Variants in RAF1 observed in about 807,000 individuals in gnomAD.
The protein encoded by RAF1 is RAF proto-oncogene serine/threonine-protein kinase.
In RAF1, 27 loss-of-function variants were observed where a neutral mutation model predicts 81.1. The observed-to-expected ratio is 0.33, with a 90% CI of 0.25 to 0.46. The LOEUF (loss-of-function observed/expected upper bound fraction) is 0.46, where lower values mean the gene tolerates loss of function less well. Ranked by LOEUF, RAF1 falls within the 20% of genes least tolerant of loss-of-function variation. The pLI is 1.00. For missense variants in RAF1, 598 were observed against 826.0 expected (o/e 0.72, Z 3.38); for synonymous variants, 298 against 294.0 (o/e 1.01, Z -0.14).
At position 12,602,035 on chromosome 3, in the gene RAF1, CA is replaced by C. The variant is rs149360172; in HGVS notation, c.894+1442del. Among the ~76,000 whole-genome samples the C allele has an allele frequency of 1.7e-3, 258 of 152,276 alleles. 1 individual carries two copies. Among genetic ancestry groups the C allele is most frequent in the African/African-American group, 6.0e-3 (249 of 41,560 alleles). On this transcript the variant is annotated intron_variant, in intron 8 of 17. Transcript: ENST00000442415. ...TGTTCTTTGTTTTTAAAGCAAAGCA[CA>C]ATTTATTTTTATTAACCACAATTAT...
At position 12,618,557 on chromosome 3, in the gene RAF1, G is replaced by C. The variant is rs897009059; in HGVS notation, c.165C>G (p.Ser55Arg). 1.2e-6 allele frequency: 2 copies of C among 1,614,078 alleles called. No individual in the cohort carries two copies. The highest frequency in any genetic ancestry group is 1.7e-6 in the Non-Finnish European group (2 of 1,180,044). ...TCGGCAAGAAAACACGGATAGTGTT[G>C]CTTGTCTTAGAAGGATCTGTGAGTT... Residue 55 changes from serine to arginine, a missense_variant, in exon 2 of 18, where the codon AGC (serine) becomes AGG (arginine). Transcript: ENST00000442415.
At chr3:12,614,594 G>GT (rs71063842) in intron 2 of RAF1, among the ~76,000 whole-genome samples, 10,047 of 145,520 alleles carry the variant, frequency 0.069, 433 homozygotes, top group Non-Finnish European at 0.098. Flanking sequence ...TCTAGCTAAT[G>GT]TTTTTTTTTT....
intron 1 of RAF1, among the ~76,000 whole-genome samples, chr3:12,640,218 T>C (rs1158968056): frequency 4.6e-5 from 7 of 152,140 alleles, no homozygotes; most frequent in African/African-American, 1.7e-4. Flanking sequence ...AAAATTAATT[T>C]AAGATGGATT....
At chr3:12,585,878 ACGGTAATCTCT>A (rs1425432514) in intron 14 of RAF1, 79 bp from the exon 14 acceptor site, 5 of 982,114 alleles carry the variant, frequency 5.1e-6, no homozygotes, top group Non-Finnish European at 8.1e-6. Context: ...TCTTTATAAC[ACGGTAATCTCT>A]CCACCTTACC....
intron 1 of RAF1, among the ~76,000 whole-genome samples, chr3:12,654,889 A>C (rs1373297228): frequency 6.6e-6 from 1 of 150,904 alleles, no homozygotes; most frequent in Non-Finnish European, 1.5e-5. Context: ...TAAGAAGAAA[A>C]GGAGGGCTGG....
chr3:12,627,292 T>C (rs1280012033), intron 1 of RAF1, among the ~76,000 whole-genome samples: 1 of 152,100 alleles, frequency 6.6e-6, no homozygotes, highest in Non-Finnish European at 1.5e-5. Context: ...AGAAATTAGG[T>C]TTACCTGGTT....
chr3:12,587,504 C>G, intron 14 of RAF1, 87 bp downstream of exon 13: 1 of 1,256,088 alleles, frequency 8.0e-7, no homozygotes, highest in Non-Finnish European at 1.2e-6. Flanking sequence ...CCCCTGGCAC[C>G]GAGAGCCACT....
chr3:12,617,761 T>C (rs1575598730), intron 2 of RAF1, among the ~76,000 whole-genome samples: 1 of 150,878 alleles, frequency 6.6e-6, no homozygotes, highest in Middle Eastern at 3.5e-3. Context: ...GGCGTGGCGG[T>C]GTGTGCCTGT....
chr3:12,615,994 G>C (rs140056493), intron 2 of RAF1, among the ~76,000 whole-genome samples: 58 of 152,192 alleles, frequency 3.8e-4, no homozygotes, highest in African/African-American at 1.3e-3. Flanking sequence ...AGAGGTTGCA[G>C]TGAGCCGAGA....
intron 2 of RAF1, among the ~76,000 whole-genome samples, chr3:12,612,409 G>T (rs1031225021): frequency 6.6e-6 from 1 of 152,148 alleles, no homozygotes; most frequent in African/African-American, 2.4e-5. Flanking sequence ...AGCACTTTGG[G>T]AAGCCGAGGC....
At chr3:12,587,679 C>A in intron 13 of RAF1, 42 bp from the exon 13 acceptor site, 1 of 1,535,258 alleles carries the variant, frequency 6.5e-7, no homozygotes. Context: ...GTTTGAGGGG[C>A]ATGAGTAGAA....
In RAF1 at chr3:12,587,583, A is replaced by G; in HGVS notation, c.1477+8T>C. On this transcript the variant is annotated splice_region_variant and intron_variant, in intron 14 of 17. Coordinates refer to ENST00000442415, the MANE Select transcript of RAF1 (RefSeq NM_001354689.3). ...AGCAGTCAAATGAACTCAACAACCA[A>G]AGGATACTGTTGGATTTCATGTCTC... The G allele has an allele frequency of 6.2e-7, 1 of 1,605,622 alleles. No individual in the cohort carries two copies. Among genetic ancestry groups the G allele is most frequent in the Non-Finnish European group, 8.5e-7 (1 of 1,172,296 alleles).
At chr3:12,630,307 G>A (rs972080249) in intron 1 of RAF1, among the ~76,000 whole-genome samples, 17 of 151,990 alleles carry the variant, frequency 1.1e-4, no homozygotes, top group African/African-American at 3.6e-4. Context: ...ACCAATTTTC[G>A]TCACTTATTC....
chr3:12,655,499 T>G (rs2060663885), intron 1 of RAF1, among the ~76,000 whole-genome samples: 1 of 152,234 alleles, frequency 6.6e-6, no homozygotes, highest in Non-Finnish European at 1.5e-5. Flanking sequence ...GTGCAGTCAC[T>G]GTGCAAAACA....
At chr3:12,662,956 A>T (rs2060926339) in intron 1 of RAF1, among the ~76,000 whole-genome samples, 1 of 152,038 alleles carries the variant, frequency 6.6e-6, no homozygotes, top group Non-Finnish European at 1.5e-5. Context: ...TTCATTTTCC[A>T]CTTAGATTAA....
At chr3:12,617,638 C>A (rs1333246368) in intron 2 of RAF1, among the ~76,000 whole-genome samples, 1 of 151,906 alleles carries the variant, frequency 6.6e-6, no homozygotes, top group African/African-American at 2.4e-5. Context: ...GTAATCCCAG[C>A]AGTTTGGGAG....
rs886057917 is a variant in RAF1 at position 12,663,896 on chromosome 3, C to A, written c.-110G>T. On this transcript the variant is annotated 5_prime_UTR_variant, in exon 1 of 18. Coordinates refer to ENST00000442415, the MANE Select transcript of RAF1 (RefSeq NM_001354689.3). Reference sequence around the variant, plus strand: ...CTCCTCCCCGCGGCGGGTGAGGGAGCGGGAGGCGGTCACATTCGGCGCGTC... The same window carrying A: ...CTCCTCCCCGCGGCGGGTGAGGGAGAGGGAGGCGGTCACATTCGGCGCGTC... 1 of 397,982 alleles carries A rather than the reference C, an allele frequency of 2.5e-6. No homozygotes were observed. Among genetic ancestry groups the A allele is most frequent in the African/African-American group, 2.1e-5 (1 of 48,586 alleles). 24.7% of individuals were successfully genotyped at this position (397,982 alleles called of 1,614,324 possible).
At chr3:12,661,833 G>C (rs1234202502) in intron 1 of RAF1, among the ~76,000 whole-genome samples, 2 of 151,996 alleles carry the variant, frequency 1.3e-5, no homozygotes, top group Non-Finnish European at 2.9e-5. Flanking sequence ...AGGAATATAT[G>C]AGTTCAATTC....
chr3:12,655,661 T>C (rs2060668378), intron 1 of RAF1, among the ~76,000 whole-genome samples: 1 of 152,122 alleles, frequency 6.6e-6, no homozygotes, highest in East Asian at 1.9e-4. Flanking sequence ...AACCAAAAGG[T>C]GGAAATAATC....
Sources: allele counts gnomAD v4.1 joint callset (sites outside exome capture counted in the v4.1 genomes callset), GRCh38; gene constraint gnomAD v4.1.1; transcripts MANE v1.5; gene names NCBI Gene and HGNC (gene_info 2026-07-23, HGNC 2026-07-21).